HTR1F: variants seen among roughly 807,000 people sequenced by gnomAD.
HTR1F encodes the protein 5-hydroxytryptamine (serotonin) receptor 1F, G protein-coupled.
HTR1F carries 17 observed loss-of-function variants against 24.0 expected under a neutral mutation model. The observed-to-expected ratio is 0.71, with a 90% CI of 0.48 to 1.06. HTR1F has a LOEUF of 1.06. HTR1F is among the 50% of genes least tolerant of loss of function. The probability of loss-of-function intolerance (pLI) is 0.00; values close to 1 mark genes in which losing one functional copy is unlikely to be tolerated. For synonymous variants in HTR1F, 186 were observed against 156.8 expected, an observed-to-expected ratio of 1.19 and a Z score of -1.39; for missense variants, 391 against 427.8, an observed-to-expected ratio of 0.91 and a Z score of 0.76.
intron 2 of HTR1F, among the ~76,000 whole-genome samples, chr3:87,864,725 G>A (rs547012654): frequency 9.9e-5 from 15 of 151,992 alleles, no homozygotes; most frequent in East Asian, 9.7e-4. Context: ...GTGAAACACC[G>A]TCTCTACTAA....
rs561816088 is a variant in HTR1F at position 87,831,824 on chromosome 3, A to T, written c.-43+9700A>T. 5.3e-5 allele frequency among the ~76,000 whole-genome samples: 8 copies of T among 152,312 alleles called. No homozygotes were observed. In the South Asian group the frequency reaches 1.2e-3, roughly 24 times the overall value. ...TGCCGTCTGATTGGTTTACTCATTA[A>T]TCAAGAAATTGAATAATATCTTTGA... On this transcript the variant is annotated intron_variant, in intron 2 of 2. Coordinates refer to ENST00000319595, the MANE Select transcript of HTR1F (RefSeq NM_001322209.2).
chr3:87,965,334 T>C (rs761034268), intron 2 of HTR1F, among the ~76,000 whole-genome samples: 10 of 152,208 alleles, frequency 6.6e-5, no homozygotes, highest in Non-Finnish European at 1.2e-4. Context: ...TTATGGAGTC[T>C]AAAAAGATGT....
rs144002160 is a variant in HTR1F at position 87,929,290 on chromosome 3, AT to A, written c.-42-61417del. ...CAGCAAAACAGTTATGAAGTTCTTCATCAGGGCAGAGCCTCTTTCCGTTGCT... is the reference window on the plus strand; with the variant it reads ...CAGCAAAACAGTTATGAAGTTCTTCACAGGGCAGAGCCTCTTTCCGTTGCT... On this transcript the variant is annotated intron_variant, in intron 2 of 2. Transcript: ENST00000319595. 7.0e-3 allele frequency among the ~76,000 whole-genome samples: 1,068 copies of A among 152,328 alleles called. 11 individuals are homozygous for A. Among genetic ancestry groups the A allele is most frequent in the African/African-American group, 0.024 (1,016 of 41,578 alleles).
chr3:87,927,345 T>C (rs1196764089), intron 2 of HTR1F, among the ~76,000 whole-genome samples: 1 of 146,414 alleles, frequency 6.8e-6, no homozygotes, highest in Non-Finnish European at 1.5e-5. Context: ...AAAATATTTA[T>C]TCGTCTTAGT....
intron 1 of HTR1F, among the ~76,000 whole-genome samples, chr3:87,821,768 C>T (rs941899215): frequency 2.6e-5 from 4 of 151,934 alleles, no homozygotes; most frequent in South Asian, 2.1e-4. Flanking sequence ...CCAAATATTC[C>T]CCTTTAGTAT....
chr3:87,919,712 C>T (rs7611916), intron 2 of HTR1F, among the ~76,000 whole-genome samples: 66,073 of 151,700 alleles, frequency 0.44, 15,387 homozygotes, highest in African/African-American at 0.61. Flanking sequence ...AAAAAATCAG[C>T]AAATAGTAGA....
At chr3:87,990,335 A>C (rs911129156) in intron 2 of HTR1F, among the ~76,000 whole-genome samples, 2 of 152,216 alleles carry the variant, frequency 1.3e-5, no homozygotes, top group African/African-American at 4.8e-5. Flanking sequence ...GTACTGAAAC[A>C]GTTGTTACGG....
chr3:87,904,922 G>A (rs1703627189), intron 2 of HTR1F, among the ~76,000 whole-genome samples: 1 of 152,068 alleles, frequency 6.6e-6, no homozygotes, highest in African/African-American at 2.4e-5. Context: ...GATCTGAGGG[G>A]TGGTTTATAA....
chr3:87,876,685 G>A (rs974028968), intron 2 of HTR1F, among the ~76,000 whole-genome samples: 42 of 152,278 alleles, frequency 2.8e-4, no homozygotes, highest in African/African-American at 8.7e-4. Context: ...ACCAGGGAAA[G>A]GGGTAAGATA....
intron 2 of HTR1F, among the ~76,000 whole-genome samples, chr3:87,904,667 CACTA>C (rs1167641918): frequency 5.9e-5 from 9 of 152,120 alleles, no homozygotes; most frequent in African/African-American, 1.2e-4. Context: ...GAAGTAGAAG[CACTA>C]ACTACTACTG....
At chr3:87,949,882 A>G (rs975710584) in intron 2 of HTR1F, among the ~76,000 whole-genome samples, 4 of 152,198 alleles carry the variant, frequency 2.6e-5, no homozygotes, top group Non-Finnish European at 5.9e-5. Context: ...GCTAGAAAGG[A>G]GTATCTAAGG....
intron 1 of HTR1F, among the ~76,000 whole-genome samples, chr3:87,819,005 T>C (rs1219935800): frequency 1.3e-5 from 2 of 152,066 alleles, no homozygotes; most frequent in Non-Finnish European, 2.9e-5. Flanking sequence ...TTCCAGGAAA[T>C]AGAAAAAATA....
chr3:87,982,042 C>T (rs934566728), intron 2 of HTR1F, among the ~76,000 whole-genome samples: 5 of 152,074 alleles, frequency 3.3e-5, no homozygotes, highest in African/African-American at 1.2e-4. Context: ...CATGTCCAAG[C>T]TTTCCGAGTA....
intron 2 of HTR1F, among the ~76,000 whole-genome samples, chr3:87,987,028 C>T (rs1446568141): frequency 7.9e-5 from 12 of 151,972 alleles, no homozygotes; most frequent in Admixed American, 7.9e-4. Context: ...ATTGCTTGAA[C>T]CTGGGAGGCA....
intron 2 of HTR1F, among the ~76,000 whole-genome samples, chr3:87,941,032 G>A (rs374256283): frequency 2.2e-4 from 34 of 152,178 alleles, no homozygotes; most frequent in Non-Finnish European, 4.3e-4. Context: ...TTGCAAGCTC[G>A]TCCTTTGGAC....
intron 2 of HTR1F, among the ~76,000 whole-genome samples, chr3:87,945,095 CTCTCTCTGTCTCCTCCA>C (rs1352523989): frequency 2.0e-4 from 30 of 146,852 alleles, no homozygotes; most frequent in Admixed American, 5.4e-4. Context: ...TCCTCCATCT[CTCTCTCTGTCTCCTCCA>C]TCTCTCTCTC....
chr3:87,958,997 GT>G (rs1705004579), intron 2 of HTR1F, among the ~76,000 whole-genome samples: 1 of 151,584 alleles, frequency 6.6e-6, no homozygotes, highest in South Asian at 2.1e-4. Context: ...TTTTATCAGG[GT>G]AAAATCCCTG....
At chr3:87,902,855 T>G (rs1706359980) in intron 2 of HTR1F, among the ~76,000 whole-genome samples, 1 of 150,874 alleles carries the variant, frequency 6.6e-6, no homozygotes, top group African/African-American at 2.4e-5. Flanking sequence ...GGTGTTTGGT[T>G]TTTTGTTCTT....
intron 1 of HTR1F, among the ~76,000 whole-genome samples, chr3:87,817,290 T>C (rs537362205): frequency 6.6e-6 from 1 of 152,332 alleles, no homozygotes; most frequent in East Asian, 1.9e-4. Flanking sequence ...GACATCATTA[T>C]TGTTTTCTTA....
Sources: allele counts gnomAD v4.1 joint callset (sites outside exome capture counted in the v4.1 genomes callset), GRCh38; gene constraint gnomAD v4.1.1; transcripts MANE v1.5; gene names NCBI Gene and HGNC (gene_info 2026-07-23, HGNC 2026-07-21).